RBMS3: variants seen among roughly 807,000 people sequenced by gnomAD.
RBMS3 encodes the protein RNA binding motif single stranded interacting protein 3.
A neutral mutation model predicts 66.8 loss-of-function variants in RBMS3; 27 were observed. The ratio of observed to expected loss-of-function variants is 0.40; its 90% CI spans 0.30 to 0.56. RBMS3 has a LOEUF of 0.56. Among genes scored for constraint, RBMS3 ranks in the 20% least tolerant of loss-of-function variants. The probability of loss-of-function intolerance (pLI) is 0.40; values close to 1 mark genes in which losing one functional copy is unlikely to be tolerated. For missense variants in RBMS3, 513 were observed against 549.5 expected, an observed-to-expected ratio of 0.93 and a Z score of 0.66; for synonymous variants, 188 against 183.0, an observed-to-expected ratio of 1.03 and a Z score of -0.22.
At chr3:29,664,802 G>C (rs1298915961) in intron 4 of RBMS3, among the ~76,000 whole-genome samples, 4 of 152,130 alleles carry the variant, frequency 2.6e-5, no homozygotes, top group African/African-American at 7.2e-5. Flanking sequence ...TTGAAGCATA[G>C]TTTAGGACAC....
chr3:29,694,346 A>G (rs1460822448), intron 4 of RBMS3, among the ~76,000 whole-genome samples: 1 of 152,226 alleles, frequency 6.6e-6, no homozygotes, highest in Non-Finnish European at 1.5e-5. Context: ...GCCTTTGTCT[A>G]TATAACAAAT....
chr3:29,697,375 G>A (rs2052326750), intron 4 of RBMS3, among the ~76,000 whole-genome samples: 1 of 152,080 alleles, frequency 6.6e-6, no homozygotes, highest in South Asian at 2.1e-4. Context: ...TTACTTACAT[G>A]CTTGTCCATC....
intron 3 of RBMS3, among the ~76,000 whole-genome samples, chr3:29,523,015 A>G (rs757115172): frequency 6.6e-6 from 1 of 152,250 alleles, no homozygotes; most frequent in Non-Finnish European, 1.5e-5. Context: ...TGTCATTCAT[A>G]TAGTAACCTC....
At chr3:29,841,460 G>T (rs1258181340) in intron 6 of RBMS3, among the ~76,000 whole-genome samples, 3 of 151,908 alleles carry the variant, frequency 2.0e-5, no homozygotes, top group Non-Finnish European at 2.9e-5. Context: ...TTCAGAATAC[G>T]ATTTGTTTCC....
At chr3:29,394,408 T>C (rs2039451793) in intron 1 of RBMS3, among the ~76,000 whole-genome samples, 1 of 152,176 alleles carries the variant, frequency 6.6e-6, no homozygotes. Context: ...AAACAATTTA[T>C]ATGGATAATG....
chr3:29,603,039 C>T (rs960258010), intron 4 of RBMS3, among the ~76,000 whole-genome samples: 3 of 151,874 alleles, frequency 2.0e-5, no homozygotes, highest in African/African-American at 2.4e-5. Context: ...AAATTTTGTA[C>T]GGGAGACTAT....
chr3:29,517,631 T>A (rs753519230), intron 3 of RBMS3, among the ~76,000 whole-genome samples: 1 of 152,182 alleles, frequency 6.6e-6, no homozygotes, highest in African/African-American at 2.4e-5. Context: ...CCCTACATGA[T>A]CTCATATTCT....
At chr3:29,863,765 G>C (rs894626391) in intron 6 of RBMS3, among the ~76,000 whole-genome samples, 1 of 152,090 alleles carries the variant, frequency 6.6e-6, no homozygotes, top group Non-Finnish European at 1.5e-5. Context: ...AAATGTTAAG[G>C]TAGGCTTAAA....
chr3:29,322,764 C>T (rs1474533506), intron 1 of RBMS3, among the ~76,000 whole-genome samples: 1 of 151,996 alleles, frequency 6.6e-6, no homozygotes, highest in Non-Finnish European at 1.5e-5. Flanking sequence ...GGTATTTAAA[C>T]CTCAAGACAA....
At chr3:29,810,302 T>A (rs1414873219) in intron 6 of RBMS3, among the ~76,000 whole-genome samples, 1 of 152,148 alleles carries the variant, frequency 6.6e-6, no homozygotes, top group Non-Finnish European at 1.5e-5. Flanking sequence ...TTTTTATTTC[T>A]AACTTAAGAA....
chr3:29,322,924 A>G (rs2035093137), intron 1 of RBMS3, among the ~76,000 whole-genome samples: 2 of 152,082 alleles, frequency 1.3e-5, no homozygotes, highest in Admixed American at 1.3e-4. Flanking sequence ...TATGCTTTTG[A>G]CCTTTCTTGC....
intron 1 of RBMS3, among the ~76,000 whole-genome samples, chr3:29,287,084 A>G (rs1450617627): frequency 1.3e-5 from 2 of 152,142 alleles, no homozygotes; most frequent in African/African-American, 4.8e-5. Context: ...GCGAAAATGT[A>G]TTCATGTGGT....
At chr3:29,679,461 C>T (rs547352864) in intron 4 of RBMS3, among the ~76,000 whole-genome samples, 29 of 152,138 alleles carry the variant, frequency 1.9e-4, no homozygotes, top group South Asian at 4.1e-4. Context: ...TAAATGGAAA[C>T]GACCTGGAGA....
chr3:29,972,446 C>T (rs918827325), intron 12 of RBMS3, among the ~76,000 whole-genome samples: 1 of 149,530 alleles, frequency 6.7e-6, no homozygotes, highest in African/African-American at 2.5e-5. Context: ...GCTGCCTCTT[C>T]TTTTCTTCTC....
intron 6 of RBMS3, among the ~76,000 whole-genome samples, chr3:29,788,559 C>G (rs1350245582): frequency 6.6e-6 from 1 of 152,134 alleles, no homozygotes; most frequent in African/African-American, 2.4e-5. Context: ...GAAAAGCTGT[C>G]ACATTACTTT....
intron 6 of RBMS3, among the ~76,000 whole-genome samples, chr3:29,834,598 C>G (rs2058458759): frequency 6.6e-6 from 1 of 151,540 alleles, no homozygotes. Context: ...CTATGTAAGC[C>G]TAAAGGTAAT....
rs1160175268 is a variant in RBMS3, at chr3:29,304,835, C to A, written c.75+23079C>A. On this transcript the variant is annotated intron_variant, in intron 1 of 14. Coordinates refer to ENST00000383767, the MANE Select transcript of RBMS3 (RefSeq NM_001003793.3). Reference sequence around the variant, plus strand: ...ATCTTCCTCCTGAATGCAATCTAGTCCCTTGCTGAACCTTTCCTTTTTCAC... The same window carrying A: ...ATCTTCCTCCTGAATGCAATCTAGTACCTTGCTGAACCTTTCCTTTTTCAC... Among the ~76,000 whole-genome samples, 10 of 152,026 alleles carry A rather than the reference C, an allele frequency of 6.6e-5. No individual in the cohort carries two copies. In the South Asian group the frequency reaches 1.0e-3, roughly 16 times the overall value.
intron 1 of RBMS3, among the ~76,000 whole-genome samples, chr3:29,330,648 G>A (rs28494147): frequency 0.34 from 51,761 of 151,918 alleles, 10,217 homozygotes; most frequent in East Asian, 0.56. Context: ...TATTAATCCT[G>A]TAATAATACC....
At chr3:29,741,235 A>T (rs541168010) in intron 5 of RBMS3, among the ~76,000 whole-genome samples, 2 of 152,294 alleles carry the variant, frequency 1.3e-5, no homozygotes, top group African/African-American at 2.4e-5. Context: ...TGCAAGGTAC[A>T]TGCTTGATGA....
Sources: gnomAD v4.1 joint callset for allele counts (sites outside exome capture counted in the v4.1 genomes callset) on GRCh38, gnomAD v4.1.1 for gene constraint, MANE v1.5 for transcripts, NCBI Gene and HGNC (gene_info 2026-07-23, HGNC 2026-07-21) for gene names.